Variants in LRRC7 observed in about 807,000 individuals in gnomAD.
The protein encoded by LRRC7 is leucine rich repeat containing 7.
In LRRC7, 23 loss-of-function variants were observed where a neutral mutation model predicts 175.7. The ratio of observed to expected loss-of-function variants is 0.13; its 90% CI spans 0.09 to 0.19. The LOEUF (loss-of-function observed/expected upper bound fraction) is 0.19, where lower values mean the gene tolerates loss of function less well. LRRC7 is among the 10% of genes least tolerant of loss of function. The probability of loss-of-function intolerance (pLI) is 1.00; values close to 1 mark genes in which losing one functional copy is unlikely to be tolerated. For missense variants in LRRC7, 1,354 were observed against 1,904.7 expected (o/e 0.71, Z 5.38); for synonymous variants, 685 against 680.9 (o/e 1.01, Z -0.09).
intron 7 of LRRC7, chr1:69,919,490 G>T: frequency 1.1e-6 from 1 of 906,314 alleles, no homozygotes; most frequent in Non-Finnish European, 1.8e-6. Context: ...AGCAGTGGCG[G>T]CAAAATCTGG....
At chr1:69,890,323 G>A (rs1007102180) in intron 7 of LRRC7, among the ~76,000 whole-genome samples, 2 of 152,182 alleles carry the variant, frequency 1.3e-5, no homozygotes, top group African/African-American at 4.8e-5. Context: ...ATCTCCTTGG[G>A]AGCTTTTGGG....
At chr1:69,609,745 T>C (rs575215544) in intron 1 of LRRC7, among the ~76,000 whole-genome samples, 8 of 152,212 alleles carry the variant, frequency 5.3e-5, no homozygotes, top group African/African-American at 1.9e-4. Context: ...ATCTACTTTA[T>C]CTGTATTTTC....
chr1:69,866,703 C>T (rs1018013585), intron 7 of LRRC7, among the ~76,000 whole-genome samples: 3 of 142,958 alleles, frequency 2.1e-5, no homozygotes, highest in Non-Finnish European at 4.7e-5. Context: ...AGTTTCCCCT[C>T]AATTAGACTC....
rs36159703 is a variant in LRRC7, at chr1:69,764,726, T to TAGACAGAC, written c.303+4340_303+4341insCAGACAGA. On this transcript the variant is annotated intron_variant, in intron 3 of 26. Coordinates refer to ENST00000651989, the MANE Select transcript of LRRC7 (RefSeq NM_001370785.2). ...GTGGATAGATAGGTAGGTAGATAGA[T>TAGACAGAC]AGACAGATAGATAGATAGATAGATA... is the stretch of plus-strand genomic sequence containing the variant. 9.0e-3 allele frequency among the ~76,000 whole-genome samples: 1,277 copies of TAGACAGAC among 142,502 alleles called. 13 individuals carry two copies. The highest frequency in any genetic ancestry group is 0.025 in the African/African-American group (978 of 38,390). The allele number at this position is 142,502 out of a possible 152,430, so 93.5% of individuals were successfully genotyped here. A position where few individuals can be genotyped will look rare whatever the true frequency, so the allele number is the denominator to read the frequency against.
intron 8 of LRRC7, among the ~76,000 whole-genome samples, chr1:69,971,672 A>G (rs912512869): frequency 6.6e-6 from 1 of 152,152 alleles, no homozygotes; most frequent in African/African-American, 2.4e-5. Flanking sequence ...GGTAGAATCA[A>G]TATTGTGAAA....
intron 6 of LRRC7, among the ~76,000 whole-genome samples, chr1:69,835,239 C>T (rs1198277405): frequency 6.6e-6 from 1 of 151,352 alleles, no homozygotes; most frequent in Non-Finnish European, 1.5e-5. Flanking sequence ...ATATGATGAC[C>T]TAAATACTTT....
At chr1:69,977,995 G>A (rs909623386) in intron 8 of LRRC7, among the ~76,000 whole-genome samples, 17 of 151,332 alleles carry the variant, frequency 1.1e-4, no homozygotes, top group African/African-American at 3.2e-4. Flanking sequence ...TGGGCAGCCC[G>A]TTTGCTTCTC....
intron 2 of LRRC7, among the ~76,000 whole-genome samples, chr1:69,726,648 G>A (rs1159075905): frequency 2.6e-5 from 4 of 152,068 alleles, no homozygotes; most frequent in African/African-American, 9.7e-5. Flanking sequence ...CTAAAGCCAA[G>A]GGTATAAATG....
chr1:69,891,583 T>G (rs1645834563), intron 7 of LRRC7, among the ~76,000 whole-genome samples: 1 of 151,920 alleles, frequency 6.6e-6, no homozygotes, highest in Non-Finnish European at 1.5e-5. Context: ...AATACAAAAC[T>G]TAGCCAGGTG....
chr1:69,834,861 T>G lies in LRRC7; in HGVS notation c.582T>G (p.Asn194Lys), dbSNP rs1222648368. The G allele has an allele frequency of 1.2e-6, 2 of 1,612,048 alleles. No homozygotes were observed. Among genetic ancestry groups the G allele is most frequent in the Non-Finnish European group, 8.5e-7 (1 of 1,178,546 alleles). ...CCTTTCTTGAATTTCTTCCAGCCAATTTTGGAAGGTAAGAATAAGAAATTT... is the reference window on the plus strand; with the variant it reads ...CCTTTCTTGAATTTCTTCCAGCCAAGTTTGGAAGGTAAGAATAAGAAATTT... ...NDAFLEFLPA[N>K]FGRLVKLRIL... The change falls in exon 6 of 27, where the codon AAT (asparagine) becomes AAG (lysine). Residue 194 changes from asparagine (N) to lysine (K), a missense_variant. This residue lies in a region of LRRC7 where 201 missense variants were observed against 481.4 expected (regional missense o/e 0.42). Transcript: ENST00000651989.
At chr1:69,910,229 G>A (rs956787960) in intron 7 of LRRC7, among the ~76,000 whole-genome samples, 10 of 152,182 alleles carry the variant, frequency 6.6e-5, no homozygotes, top group African/African-American at 2.4e-4. Flanking sequence ...TTGCTGGTGA[G>A]GAAGTGCGTT....
intron 1 of LRRC7, among the ~76,000 whole-genome samples, chr1:69,572,769 A>C (rs944177749): frequency 6.6e-6 from 1 of 152,172 alleles, no homozygotes; most frequent in African/African-American, 2.4e-5. Flanking sequence ...GACATACCAA[A>C]GAAGACAAAG....
chr1:69,909,503 A>T (rs1646448667), intron 7 of LRRC7, among the ~76,000 whole-genome samples: 1 of 151,970 alleles, frequency 6.6e-6, no homozygotes, highest in Admixed American at 6.6e-5. Context: ...TTGTCTGTAA[A>T]GTATTTTTTT....
At chr1:69,571,223 T>C (rs193084121) in intron 1 of LRRC7, among the ~76,000 whole-genome samples, 6 of 152,356 alleles carry the variant, frequency 3.9e-5, no homozygotes, top group East Asian at 3.9e-4. Flanking sequence ...TCTGCACATA[T>C]GCAGCTTAGA....
In LRRC7 at chr1:70,121,916, CT is replaced by C. The variant is rs1666231206; in HGVS notation, c.*30del. On this transcript the variant is annotated 3_prime_UTR_variant, in exon 27 of 27. Transcript: ENST00000651989. Reference sequence around the variant, plus strand: ...TTTTTTATAAATAGTGAAGATACGTCTAGCCAGACCTAATGTTCAAAAATAA... The same window carrying C: ...TTTTTTATAAATAGTGAAGATACGTCAGCCAGACCTAATGTTCAAAAATAA... The C allele has an allele frequency of 2.1e-6, 3 of 1,438,420 alleles. No individual in the cohort carries two copies. In the South Asian group the frequency reaches 3.6e-5, roughly 17 times the overall value. The allele number at this position is 1,438,420 out of a possible 1,614,324, so 89.1% of individuals were successfully genotyped here. A position where few individuals can be genotyped will look rare whatever the true frequency, so the allele number is the denominator to read the frequency against.
intron 1 of LRRC7, among the ~76,000 whole-genome samples, chr1:69,604,625 G>A (rs1291631115): frequency 6.6e-6 from 1 of 152,016 alleles, no homozygotes; most frequent in Admixed American, 6.6e-5. Context: ...GAAGGAATGT[G>A]GTGTTTTTGG....
At chr1:69,961,154 A>C (rs1177187607) in intron 8 of LRRC7, among the ~76,000 whole-genome samples, 2 of 152,164 alleles carry the variant, frequency 1.3e-5, no homozygotes. Context: ...TAAAATCAAT[A>C]TGCAAAAATC....
intron 1 of LRRC7, among the ~76,000 whole-genome samples, chr1:69,608,572 A>G (rs1648038471): frequency 6.6e-6 from 1 of 152,054 alleles, no homozygotes; most frequent in Non-Finnish European, 1.5e-5. Context: ...ACAAAAAAGT[A>G]CCACAGACCA....
At chr1:70,008,025 A>G (rs144130828) in intron 11 of LRRC7, among the ~76,000 whole-genome samples, 2 of 152,276 alleles carry the variant, frequency 1.3e-5, no homozygotes, top group Non-Finnish European at 2.9e-5. Flanking sequence ...TCAGAGATAT[A>G]TATATATATG....
Sources: gnomAD v4.1 joint callset for allele counts (sites outside exome capture counted in the v4.1 genomes callset) on GRCh38, gnomAD v4.1.1 for gene constraint, gnomAD v4.1.1 regional missense constraint, MANE v1.5 for transcripts, NCBI Gene and HGNC (gene_info 2026-07-23, HGNC 2026-07-21) for gene names.